The following NHSL3 variants were observed in gnomAD, a reference collection of about 807,000 sequenced individuals.
The protein encoded by NHSL3 is NHS-like protein 3.
At chr1:32,742,690 G>A in the NHSL3 span, among the ~76,000 whole-genome samples, 2 of 152,248 alleles carry the variant, frequency 1.3e-5, no homozygotes, top group Non-Finnish European at 2.9e-5. Flanking sequence ...ATGGAGCACA[G>A]TGTGCCCTGC....
the NHSL3 span, chr1:32,770,609 G>A: frequency 6.6e-7 from 1 of 1,515,464 alleles, no homozygotes; most frequent in Non-Finnish European, 8.8e-7. This position sits in a 1 kb window ranked among gnomAD's most constrained non-coding sequence, Gnocchi z 8.3. Context: ...GACACACTCA[G>A]CATTCGGAGC....
the NHSL3 span, among the ~76,000 whole-genome samples, chr1:32,746,496 GC>G: frequency 2.0e-5 from 3 of 152,176 alleles, no homozygotes; most frequent in Non-Finnish European, 4.4e-5. Flanking sequence ...ATATACCCTG[GC>G]CAGGCATTTT....
chr1:32,770,949 T>TGCCC, the NHSL3 span: 34 of 1,562,978 alleles, frequency 2.2e-5, no homozygotes, highest in Non-Finnish European at 2.8e-5. This position sits in a 1 kb window ranked among gnomAD's most constrained non-coding sequence, Gnocchi z 8.3. Flanking sequence ...AAAGTGGTAC[T>TGCCC]CCCACCCTCC....
At chr1:32,770,520 T>C in the NHSL3 span, 1 of 1,551,936 alleles carries the variant, frequency 6.4e-7, no homozygotes, top group Non-Finnish European at 8.7e-7. The surrounding 1 kb of genome is among the most constrained non-coding windows in gnomAD (Gnocchi z 8.3). Flanking sequence ...GCTCTACGGC[T>C]AGCAATAGCG....
At chr1:32,765,738 G>A in the NHSL3 span, 1 of 1,546,748 alleles carries the variant, frequency 6.5e-7, no homozygotes, top group Non-Finnish European at 8.7e-7. Flanking sequence ...GGCAGGGTGG[G>A]ATAGGGAACG....
At chr1:32,748,423 T>A in the NHSL3 span, among the ~76,000 whole-genome samples, 3 of 152,172 alleles carry the variant, frequency 2.0e-5, no homozygotes, top group Admixed American at 2.0e-4. Context: ...CGCCTTGCCC[T>A]TCTGAGGTCA....
At chr1:32,745,773 A>C in the NHSL3 span, among the ~76,000 whole-genome samples, 1 of 152,120 alleles carries the variant, frequency 6.6e-6, no homozygotes, top group Non-Finnish European at 1.5e-5. Flanking sequence ...TGCAGCTGGC[A>C]GCAGGTTTCT....
the NHSL3 span, chr1:32,767,832 G>A: frequency 6.2e-7 from 1 of 1,613,728 alleles, no homozygotes; most frequent in African/African-American, 1.3e-5. Context: ...GTAGGGCCTG[G>A]CCAGGGGCCA....
chr1:32,769,657 C>T, the NHSL3 span: 1 of 1,597,598 alleles, frequency 6.3e-7, no homozygotes, highest in Non-Finnish European at 8.5e-7. Context: ...GTTTTTCTCC[C>T]ACGACTGGCC....
the NHSL3 span, among the ~76,000 whole-genome samples, chr1:32,757,240 G>A: frequency 6.6e-6 from 1 of 152,190 alleles, no homozygotes; most frequent in African/African-American, 2.4e-5. Flanking sequence ...CAGGGAGAGA[G>A]GTCTGGAGTC....
the NHSL3 span, chr1:32,770,311 A>G: frequency 1.2e-6 from 2 of 1,612,400 alleles, no homozygotes; most frequent in African/African-American, 1.3e-5. The surrounding 1 kb of genome is among the most constrained non-coding windows in gnomAD (Gnocchi z 8.3). Flanking sequence ...GCGCACACTA[A>G]GCCGCTGCAG....
the NHSL3 span, chr1:32,742,068 C>T: frequency 1.6e-6 from 2 of 1,262,452 alleles, no homozygotes; most frequent in Middle Eastern, 3.0e-4. Flanking sequence ...GCCGCGCCTT[C>T]AGCTGGCTGC....
the NHSL3 span, chr1:32,774,382 C>T: frequency 6.6e-6 from 1 of 152,198 alleles, no homozygotes; most frequent in Non-Finnish European, 1.5e-5. Context: ...CTGTCTTCTC[C>T]TTGTAGCTAA....
the NHSL3 span, chr1:32,771,591 C>T: frequency 1.2e-6 from 2 of 1,613,080 alleles, no homozygotes; most frequent in Admixed American, 1.7e-5. Flanking sequence ...AGCCTGCAGG[C>T]CCTTCAGGCT....
the NHSL3 span, among the ~76,000 whole-genome samples, chr1:32,752,587 TTCTC>T: frequency 6.6e-6 from 1 of 152,102 alleles, no homozygotes; most frequent in Non-Finnish European, 1.5e-5. Flanking sequence ...AAGGCTTTTC[TTCTC>T]TCTGTTTTTA....
the NHSL3 span, among the ~76,000 whole-genome samples, chr1:32,759,660 A>C: frequency 6.6e-6 from 1 of 152,168 alleles, no homozygotes; most frequent in Non-Finnish European, 1.5e-5. Context: ...GGAAGGAAGG[A>C]GAGGGATTCC....
the NHSL3 span, among the ~76,000 whole-genome samples, chr1:32,757,400 C>G: frequency 1.3e-5 from 2 of 149,320 alleles, no homozygotes. Context: ...GAGACTGTTG[C>G]AGTAATCCAG....
At chr1:32,742,255 CG>C in the NHSL3 span, 5 of 1,223,080 alleles carry the variant, frequency 4.1e-6, no homozygotes, top group South Asian at 3.7e-5. Flanking sequence ...GGGGCTCTGC[CG>C]GGGGTCCGCG....
the NHSL3 span, chr1:32,753,989 G>A: frequency 1.5e-5 from 6 of 395,072 alleles, no homozygotes; most frequent in South Asian, 1.5e-4. Flanking sequence ...CGCCCGCGGT[G>A]CCCGCCCGCG....
Sources: allele counts gnomAD v4.1 joint callset (sites outside exome capture counted in the v4.1 genomes callset), GRCh38; gene constraint gnomAD v4.1.1; non-coding constraint Gnocchi (gnomAD v3.1); transcripts MANE v1.5; gene names NCBI Gene and HGNC (gene_info 2026-07-23, HGNC 2026-07-21).